PFKFB4: variants seen among roughly 807,000 people sequenced by gnomAD.
PFKFB4 encodes the protein 6-phosphofructo-2-kinase/fructose-2,6-bisphosphatase 4.
Under a neutral mutation model 62.8 loss-of-function variants are expected in PFKFB4, and 42 were observed. The ratio of observed to expected loss-of-function variants is 0.67; its 90% CI spans 0.52 to 0.86. The LOEUF is 0.86. PFKFB4 is among the 40% of genes least tolerant of loss of function. The probability of loss-of-function intolerance (pLI) is 0.00; values close to 1 mark genes in which losing one functional copy is unlikely to be tolerated. For missense variants in PFKFB4, 475 were observed against 627.2 expected, an observed-to-expected ratio of 0.76 and a Z score of 2.59; for synonymous variants, 204 against 240.7, an observed-to-expected ratio of 0.85 and a Z score of 1.41.
chr3:48,539,817 A>C, intron 4 of PFKFB4, 46 bp from the exon 5 acceptor site: 1 of 1,517,450 alleles, frequency 6.6e-7, no homozygotes, highest in Non-Finnish European at 9.2e-7. Context: ...CTGGGGAAGG[A>C]AGGGGCCAGA....
intron 9 of PFKFB4, among the ~76,000 whole-genome samples, chr3:48,534,216 A>T (rs1303122564): frequency 6.6e-6 from 1 of 152,216 alleles, no homozygotes; most frequent in African/African-American, 2.4e-5. Context: ...AGAAGAAATT[A>T]AAAAACCAGA....
At chr3:48,537,554 CA>C (rs1452233003) in intron 7 of PFKFB4, among the ~76,000 whole-genome samples, 10 of 131,720 alleles carry the variant, frequency 7.6e-5, no homozygotes, top group African/African-American at 2.8e-4. Context: ...GACAGGGTCT[CA>C]CTCTGTCACC....
rs2042163460 is a variant in PFKFB4, at chr3:48,523,584, AGGT to A, written c.1235_1237del (p.Tyr412_Leu413delinsPhe). 8 of 1,614,064 alleles carry A rather than the reference AGGT, an allele frequency of 5.0e-6. No individual in the cohort carries two copies. The highest frequency in any genetic ancestry group is 4.2e-6 in the Non-Finnish European group (5 of 1,180,034). ...CAGGACTGTGTGCAGCGGACACTTG[AGGT>A]AGGGCAGCTGTTCTGTAGACACAGA... On this transcript the variant is annotated inframe_deletion, in exon 12 of 14. Coordinates refer to ENST00000232375, the MANE Select transcript of PFKFB4 (RefSeq NM_004567.4).
In PFKFB4 at chr3:48,535,424, AG is replaced by A. The variant is rs2042567479; in HGVS notation, c.987+87del. Reference sequence around the variant, plus strand: ...CTTTCTCTCTCCTCTCCTTTGCCCAAGGGGAGCAATGGTCACTGTTGTTACA... The same window carrying A: ...CTTTCTCTCTCCTCTCCTTTGCCCAAGGGAGCAATGGTCACTGTTGTTACA... On this transcript the variant is annotated intron_variant, in intron 9 of 13. Coordinates refer to ENST00000232375, the MANE Select transcript of PFKFB4 (RefSeq NM_004567.4). The A allele has an allele frequency of 3.3e-6, 4 of 1,204,954 alleles. No homozygotes were observed. In the South Asian group the frequency reaches 5.5e-5, roughly 17 times the overall value. 74.6% of individuals were successfully genotyped at this position (1,204,954 alleles called of 1,614,324 possible). A position where few individuals can be genotyped will look rare whatever the true frequency, so the allele number is the denominator to read the frequency against.
In PFKFB4 at chr3:48,543,603, T is replaced by C. The variant is rs1300463585; in HGVS notation, c.355A>G (p.Ser119Gly). The C allele has an allele frequency of 1.9e-6, 3 of 1,611,608 alleles. No homozygotes were observed. The highest frequency in any genetic ancestry group is 1.3e-5 in the African/African-American group (1 of 74,820). ...ACCGCCACATGTCCCCCCTCCTCAC[T>C]AAGGAACCGCCGGACGTCACGGAGG... Reference protein sequence around the residue: ...AALRDVRRFLSEEGGHVAVFD... With the variant: ...AALRDVRRFLGEEGGHVAVFD... The change falls in exon 4 of 14, where the codon AGT becomes GGT. Residue 119 changes from serine (S) to glycine (G), a missense_variant. By Grantham distance (56) the Ser-to-Gly change is moderately conservative. Coordinates refer to ENST00000232375, the MANE Select transcript of PFKFB4 (RefSeq NM_004567.4).
At chr3:48,536,691 C>A in intron 7 of PFKFB4, 1 of 534,766 alleles carries the variant, frequency 1.9e-6, no homozygotes, top group South Asian at 2.5e-5. Flanking sequence ...GGGAGGTGCT[C>A]GTCACTCATC....
At chr3:48,524,070 CTCCATCCCAGGG>C (rs563412487) in intron 10 of PFKFB4, among the ~76,000 whole-genome samples, 38 of 152,342 alleles carry the variant, frequency 2.5e-4, no homozygotes, top group African/African-American at 6.7e-4. Flanking sequence ...AGGCCTCAGG[CTCCATCCCAGGG>C]TCCACCTCAG....
intron 1 of PFKFB4, among the ~76,000 whole-genome samples, chr3:48,555,640 A>C (rs1046007818): frequency 6.6e-6 from 1 of 152,202 alleles, no homozygotes; most frequent in African/African-American, 2.4e-5. Context: ...CACGCCTGTA[A>C]TCTCAACACT....
chr3:48,562,864 C>A, upstream of PFKFB4: 1 of 1,595,574 alleles, frequency 6.3e-7, no homozygotes, highest in Admixed American at 1.8e-5. This position sits in a 1 kb window ranked among gnomAD's most constrained non-coding sequence, Gnocchi z 4.3. Context: ...GGGCTTGCTC[C>A]AGTAAGATCT....
chr3:48,539,400 C>A (rs926751597), intron 5 of PFKFB4, 90 bp from the exon 6 acceptor site: 4 of 1,104,484 alleles, frequency 3.6e-6, no homozygotes, highest in Non-Finnish European at 5.5e-6. Context: ...AGCTCTCCAT[C>A]CCCTGAGGCC....
chr3:48,543,126 A>G (rs1471391614), intron 4 of PFKFB4, among the ~76,000 whole-genome samples: 1 of 152,192 alleles, frequency 6.6e-6, no homozygotes. Flanking sequence ...GCCGTTTCCC[A>G]CAGACACCCC....
chr3:48,560,659 G>C (rs1388245415), upstream of PFKFB4, among the ~76,000 whole-genome samples: 1 of 152,202 alleles, frequency 6.6e-6, no homozygotes, highest in Non-Finnish European at 1.5e-5. Flanking sequence ...AGAAGTGCTG[G>C]TTTAAGGGCT....
chr3:48,543,587 T>C lies in PFKFB4; in HGVS notation c.371A>G (p.His124Arg). The change falls in exon 4 of 14, where the codon CAT becomes CGT. Residue 124 changes from histidine (H) to arginine (R), a missense_variant. Physicochemically the swap from His to Arg is conservative, Grantham distance 29. Coordinates refer to ENST00000232375, the MANE Select transcript of PFKFB4 (RefSeq NM_004567.4). ...VRRFLSEEGG[H>R]VAVFDATNTT... ...CCAGGGTGTCACACTCACCGCCACATGTCCCCCCTCCTCACTAAGGAACCG... is the reference window on the plus strand; with the variant it reads ...CCAGGGTGTCACACTCACCGCCACACGTCCCCCCTCCTCACTAAGGAACCG... 6.2e-7 allele frequency: 1 copy of C among 1,609,444 alleles called. No homozygotes were observed.
intron 12 of PFKFB4, 66 bp from the exon 13 acceptor site, chr3:48,522,116 A>G: frequency 6.9e-7 from 1 of 1,447,020 alleles, no homozygotes; most frequent in Non-Finnish European, 9.7e-7. Flanking sequence ...GATGCTAGAA[A>G]CTTCTCTTGG....
upstream of PFKFB4, chr3:48,561,201 ACTCCTGCGG>A (rs1202213681): frequency 3.0e-6 from 2 of 668,308 alleles, no homozygotes; most frequent in African/African-American, 2.0e-5. The surrounding 1 kb of genome is among the most constrained non-coding windows in gnomAD (Gnocchi z 5.2). Flanking sequence ...GAGAGAAGCG[ACTCCTGCGG>A]CTCCTGCAGC....
chr3:48,562,678 G>A (rs906164284), upstream of PFKFB4: 68 of 1,105,238 alleles, frequency 6.2e-5, no homozygotes, highest in Middle Eastern at 3.0e-4. This position sits in a 1 kb window ranked among gnomAD's most constrained non-coding sequence, Gnocchi z 4.3. Flanking sequence ...ATGTGGCAGC[G>A]TCCAGACACT....
At chr3:48,562,874 TG>T, upstream of PFKFB4, 4 of 1,598,810 alleles carry the variant, frequency 2.5e-6, no homozygotes, top group Non-Finnish European at 3.4e-6. This position sits in a 1 kb window ranked among gnomAD's most constrained non-coding sequence, Gnocchi z 4.3. Context: ...CAGTAAGATC[TG>T]CAAGAGGCCG....
chr3:48,525,181 G>A (rs967691756), intron 10 of PFKFB4, among the ~76,000 whole-genome samples: 2 of 152,188 alleles, frequency 1.3e-5, no homozygotes, highest in African/African-American at 4.8e-5. Context: ...GCTGGCCTGG[G>A]AATGCCAGGG....
At position 48,549,898 on chromosome 3, in the gene PFKFB4, G is replaced by GA. The variant is rs769949332; in HGVS notation, c.276dup (p.Leu93SerfsTer5). On this transcript the variant is annotated frameshift_variant, in exon 3 of 14. Transcript: ENST00000232375. LOFTEE classifies it high-confidence loss of function. Reference sequence around the variant, plus strand: ...TTCAGGCCCTCTTCATTGTCGGGGAGAAAAAATTCAAAAGATTTGTAGGTC... The same window carrying GA: ...TTCAGGCCCTCTTCATTGTCGGGGAGAAAAAAATTCAAAAGATTTGTAGGTC... The GA allele has an allele frequency of 1.1e-4, 175 of 1,613,194 alleles. 1 individual carries two copies. Among genetic ancestry groups the GA allele is most frequent in the Non-Finnish European group, 1.4e-4 (168 of 1,179,282 alleles).
Sources: allele counts gnomAD v4.1 joint callset (sites outside exome capture counted in the v4.1 genomes callset), GRCh38; gene constraint gnomAD v4.1.1; non-coding constraint Gnocchi (gnomAD v3.1); transcripts MANE v1.5; gene names NCBI Gene and HGNC (gene_info 2026-07-23, HGNC 2026-07-21).